MACROD2: variants seen among roughly 807,000 people sequenced by gnomAD.
MACROD2 encodes ADP-ribose glycohydrolase MACROD2.
MACROD2 carries 36 observed loss-of-function variants against 70.4 expected under a neutral mutation model. That is an observed-to-expected ratio of 0.51 (90% CI 0.39 to 0.68). The LOEUF (loss-of-function observed/expected upper bound fraction) is 0.68. MACROD2 is among the 30% of genes least tolerant of loss of function. The probability of loss-of-function intolerance (pLI) is 0.00; values close to 1 mark genes in which losing one functional copy is unlikely to be tolerated. For missense variants in MACROD2, 496 were observed against 538.4 expected (o/e 0.92, Z 0.78); for synonymous variants, 172 against 178.8 (o/e 0.96, Z 0.30).
chr20:15,111,176 T>TG (rs1601088977), intron 5 of MACROD2, among the ~76,000 whole-genome samples: 1 of 65,120 alleles, frequency 1.5e-5, no homozygotes, highest in Non-Finnish European at 3.1e-5. Flanking sequence ...TGTTTTTGTT[T>TG]GTTTTTTTTT....
chr20:14,245,828 C>G (rs1194488195), intron 3 of MACROD2, among the ~76,000 whole-genome samples: 1 of 152,166 alleles, frequency 6.6e-6, no homozygotes, highest in Non-Finnish European at 1.5e-5. Flanking sequence ...TGAAAATTCA[C>G]AGACACCATT....
At chr20:15,973,970 T>C (rs1455993751) in intron 13 of MACROD2, among the ~76,000 whole-genome samples, 1 of 151,996 alleles carries the variant, frequency 6.6e-6, no homozygotes, top group African/African-American at 2.4e-5. Flanking sequence ...CAATGAGGAG[T>C]TCCCAGATAC....
intron 5 of MACROD2, among the ~76,000 whole-genome samples, chr20:14,912,725 G>C (rs189030916): frequency 6.6e-6 from 1 of 152,242 alleles, no homozygotes; most frequent in African/African-American, 2.4e-5. Context: ...AGCTGGAACT[G>C]AGAGAAGGGA....
intron 3 of MACROD2, among the ~76,000 whole-genome samples, chr20:14,164,468 G>C (rs1357491543): frequency 6.6e-6 from 1 of 152,198 alleles, no homozygotes; most frequent in South Asian, 2.1e-4. Context: ...GTGTGGGTCA[G>C]GCAGGTAGGC....
At chr20:14,750,735 G>A (rs897068695) in intron 5 of MACROD2, among the ~76,000 whole-genome samples, 4 of 151,908 alleles carry the variant, frequency 2.6e-5, no homozygotes, top group Non-Finnish European at 4.4e-5. Context: ...CTGGGATTAC[G>A]AGTGTGAGCC....
chr20:16,009,649 C>A lies in MACROD2; in HGVS notation c.1153+22491C>A, dbSNP rs976729752. Reference sequence around the variant, plus strand: ...GCGGGCACCTGTAATCCCAGCTACTCGAGAGGCTGAGGCAGGAGAATCACT... The same window carrying A: ...GCGGGCACCTGTAATCCCAGCTACTAGAGAGGCTGAGGCAGGAGAATCACT... On this transcript the variant is annotated intron_variant, in intron 15 of 17. Transcript: ENST00000684519. Among the ~76,000 whole-genome samples the A allele has an allele frequency of 2.0e-5, 3 of 151,942 alleles. No homozygotes were observed. In the South Asian group the frequency reaches 6.2e-4, roughly 32 times the overall value.
intron 4 of MACROD2, among the ~76,000 whole-genome samples, chr20:14,590,375 C>G (rs1263221910): frequency 6.6e-6 from 1 of 152,138 alleles, no homozygotes; most frequent in Non-Finnish European, 1.5e-5. Context: ...GTAGGCAGAA[C>G]ATTCAGCCTG....
chr20:14,509,787 T>C (rs2085009048), intron 4 of MACROD2, among the ~76,000 whole-genome samples: 1 of 151,994 alleles, frequency 6.6e-6, no homozygotes, highest in Admixed American at 6.6e-5. Context: ...AATATTAGCA[T>C]ATTGTTAAGA....
chr20:14,731,431 A>G (rs1253670847), intron 5 of MACROD2, among the ~76,000 whole-genome samples: 2 of 152,204 alleles, frequency 1.3e-5, no homozygotes, highest in African/African-American at 2.4e-5. Flanking sequence ...AACGTACCAC[A>G]TGGTGCTGAC....
intron 8 of MACROD2, among the ~76,000 whole-genome samples, chr20:15,518,652 GAAGA>G (rs2047603048): frequency 6.6e-6 from 1 of 152,174 alleles, no homozygotes; most frequent in Non-Finnish European, 1.5e-5. Context: ...GGGAAGAAGG[GAAGA>G]AAGAGGGAGG....
intron 8 of MACROD2, among the ~76,000 whole-genome samples, chr20:15,582,416 C>T: frequency 6.6e-6 from 1 of 152,172 alleles, no homozygotes; most frequent in East Asian, 1.9e-4. Flanking sequence ...ACTTTGCCTT[C>T]CAAGCTCTTG....
intron 4 of MACROD2, among the ~76,000 whole-genome samples, chr20:14,541,455 T>C (rs891437446): frequency 6.6e-6 from 1 of 152,170 alleles, no homozygotes; most frequent in African/African-American, 2.4e-5. Flanking sequence ...ACTTTTCTCC[T>C]ATTACTTATA....
intron 6 of MACROD2, among the ~76,000 whole-genome samples, chr20:15,314,580 CTT>C (rs769255439): frequency 2.0e-5 from 3 of 152,146 alleles, no homozygotes; most frequent in Non-Finnish European, 4.4e-5. Context: ...GAAAGCAAGA[CTT>C]TATCTATTCA....
intron 3 of MACROD2, among the ~76,000 whole-genome samples, chr20:14,091,486 A>G (rs1370451496): frequency 6.6e-6 from 1 of 152,200 alleles, no homozygotes; most frequent in Admixed American, 6.5e-5. Context: ...TAAATCGCAA[A>G]TGTCTCACCA....
intron 5 of MACROD2, among the ~76,000 whole-genome samples, chr20:15,207,436 G>GTTTTTTTTTTTTT (rs548522491): frequency 4.7e-5 from 4 of 84,566 alleles, no homozygotes; most frequent in Non-Finnish European, 6.4e-5. Context: ...TTTGTTTCTG[G>GTTTTTTTTTTTTT]TTTTTTTTTT....
At chr20:15,458,138 A>T (rs1167703022) in intron 7 of MACROD2, among the ~76,000 whole-genome samples, 1 of 152,156 alleles carries the variant, frequency 6.6e-6, no homozygotes, top group Non-Finnish European at 1.5e-5. Context: ...GAATTATGCT[A>T]TATAATGCTT....
At chr20:14,232,846 T>C (rs1385211965) in intron 3 of MACROD2, among the ~76,000 whole-genome samples, 1 of 152,268 alleles carries the variant, frequency 6.6e-6, no homozygotes, top group Non-Finnish European at 1.5e-5. Context: ...ACATGAGGCC[T>C]AGCTTTCAGC....
Position 15,039,766 on chromosome 20 carries a change from G to A in MACROD2, c.419-190174G>A, listed in dbSNP as rs74653628. On this transcript the variant is annotated intron_variant, in intron 5 of 17. Transcript: ENST00000684519. ...TACGGAGACAGCAGATACTTTTAGA[G>A]ACAGCAGATATTTATAGCTGGCGTC... Among the ~76,000 whole-genome samples, 1,218 of 152,234 alleles carry A rather than the reference G, an allele frequency of 8.0e-3. 20 individuals are homozygous for A. Among genetic ancestry groups the A allele is most frequent in the African/African-American group, 0.028 (1,144 of 41,536 alleles).
At chr20:15,874,642 A>C (rs1601034504) in intron 9 of MACROD2, among the ~76,000 whole-genome samples, 1 of 152,096 alleles carries the variant, frequency 6.6e-6, no homozygotes, top group Non-Finnish European at 1.5e-5. Flanking sequence ...TTGTGGTTTC[A>C]ATTTGCATTT....
Sources: allele counts gnomAD v4.1 joint callset (sites outside exome capture counted in the v4.1 genomes callset), GRCh38; gene constraint gnomAD v4.1.1; transcripts MANE v1.5; gene names NCBI Gene and HGNC (gene_info 2026-07-23, HGNC 2026-07-21).